Variants in AFF2 observed in about 807,000 individuals in gnomAD.
AFF2 encodes the protein ALF transcription elongation factor 2.
Under a neutral mutation model 76.9 loss-of-function variants are expected in AFF2, and 14 were observed. The ratio of observed to expected loss-of-function variants is 0.18; its 90% CI spans 0.12 to 0.28. The LOEUF is 0.28. Among genes scored for constraint, AFF2 ranks in the 10% least tolerant of loss-of-function variants. The pLI is 1.00. For missense variants in AFF2, 868 were observed against 1,001.1 expected (o/e 0.87, Z 1.79); for synonymous variants, 398 against 366.7 (o/e 1.09, Z -0.98).
At chrX:148,693,119 G>A (rs1001437704) in intron 3 of AFF2, among the ~76,000 whole-genome samples, 6 of 110,638 alleles carry the variant, frequency 5.4e-5, no homozygotes, top group Admixed American at 9.6e-5. Context: ...GGGTTTCACC[G>A]TATTAGCCAG....
intron 3 of AFF2, among the ~76,000 whole-genome samples, chrX:148,690,916 C>T (rs1391303768): frequency 1.8e-5 from 2 of 111,691 alleles, no homozygotes; most frequent in Non-Finnish European, 3.8e-5. Flanking sequence ...CACATTCTCC[C>T]CATGTCTTCA....
chrX:148,699,969 A>T (rs782285339), intron 3 of AFF2, among the ~76,000 whole-genome samples: 7 of 112,011 alleles, frequency 6.2e-5, no homozygotes, highest in Admixed American at 1.9e-4. Flanking sequence ...TATGCATTTC[A>T]CCTGAAGGTT....
At chrX:148,944,497 C>T (rs1280465878) in intron 9 of AFF2, among the ~76,000 whole-genome samples, 1 of 109,069 alleles carries the variant, frequency 9.2e-6, no homozygotes, top group Admixed American at 1.0e-4. Flanking sequence ...CTCCTTTGCT[C>T]CCATTTTTAA....
At chrX:148,589,024 C>T (rs2053496254) in intron 1 of AFF2, among the ~76,000 whole-genome samples, 1 of 109,033 alleles carries the variant, frequency 9.2e-6, no homozygotes, top group African/African-American at 3.4e-5. Context: ...GGAAAAGTGG[C>T]CTGATCATAC....
At chrX:148,616,498 T>C (rs1557250349) in intron 1 of AFF2, among the ~76,000 whole-genome samples, 1 of 111,741 alleles carries the variant, frequency 8.9e-6, no homozygotes, top group African/African-American at 3.3e-5. Context: ...ACATCTTGTG[T>C]GTAAGTTGGT....
At chrX:148,773,756 G>GAGA (rs1557268338) in intron 3 of AFF2, among the ~76,000 whole-genome samples, 1 of 109,146 alleles carries the variant, frequency 9.2e-6, no homozygotes, top group African/African-American at 3.4e-5. Context: ...GAGAAAGAAA[G>GAGA]AAGGAAAGAA....
At chrX:148,942,529 A>T (rs1000057387) in intron 9 of AFF2, among the ~76,000 whole-genome samples, 25 of 111,407 alleles carry the variant, frequency 2.2e-4, no homozygotes, top group African/African-American at 7.9e-4. Flanking sequence ...AGAACATTGG[A>T]TTTGCGGCCA....
rs375161046 is a variant in AFF2, at chrX:148,997,635, C to G, written c.*6303C>G. ...ACGATAGCAGGGACTGGGGGTCTAT[C>G]CTTTCATGGTATTGCTACAATATTT... On this transcript the variant is annotated 3_prime_UTR_variant, in exon 21 of 21. Transcript: ENST00000370460. 1.8e-5 allele frequency: 2 copies of G among 111,910 alleles called. No individual in the cohort carries two copies. The allele number at this position is 111,910 out of a possible 1,213,427, so 9.2% of individuals were successfully genotyped here.
intron 8 of AFF2, among the ~76,000 whole-genome samples, chrX:148,892,548 G>A (rs1026202947): frequency 1.8e-5 from 2 of 111,311 alleles, no homozygotes; most frequent in African/African-American, 3.3e-5. Context: ...AGCCACCGAA[G>A]ACCCAAACAT....
At chrX:148,526,142 T>A (rs1417044727) in intron 1 of AFF2, among the ~76,000 whole-genome samples, 2 of 111,845 alleles carry the variant, frequency 1.8e-5, no homozygotes, top group Non-Finnish European at 3.8e-5. Flanking sequence ...CACTCCACTA[T>A]AAGAAATAAC....
intron 1 of AFF2, among the ~76,000 whole-genome samples, chrX:148,649,703 T>G (rs984239908): frequency 1.6e-4 from 18 of 112,371 alleles, no homozygotes; most frequent in African/African-American, 5.5e-4. Context: ...GTGCCCTTAC[T>G]GCTGATCGTT....
intron 7 of AFF2, among the ~76,000 whole-genome samples, chrX:148,849,588 A>C (rs2070710227): frequency 9.0e-6 from 1 of 110,992 alleles, no homozygotes; most frequent in Non-Finnish European, 1.9e-5. Context: ...TAGTGAAGAT[A>C]AGACTAGCAC....
At chrX:148,562,741 T>G (rs1557240887) in intron 1 of AFF2, among the ~76,000 whole-genome samples, 1 of 111,535 alleles carries the variant, frequency 9.0e-6, no homozygotes, top group East Asian at 2.8e-4. Context: ...CTTCCTCTCT[T>G]TATTCCTTCC....
At chrX:148,667,558 C>T (rs2054372341) in intron 3 of AFF2, among the ~76,000 whole-genome samples, 1 of 111,768 alleles carries the variant, frequency 8.9e-6, no homozygotes, top group Admixed American at 9.5e-5. Context: ...CTTACAGTTC[C>T]ACGTGGCTGG....
intron 3 of AFF2, among the ~76,000 whole-genome samples, chrX:148,775,185 C>T (rs2069652235): frequency 9.0e-6 from 1 of 111,469 alleles, no homozygotes; most frequent in African/African-American, 3.3e-5. Flanking sequence ...TGGTTTATAA[C>T]TTTTTACCTA....
At chrX:148,937,052 A>C (rs994832553) in intron 9 of AFF2, among the ~76,000 whole-genome samples, 1 of 111,828 alleles carries the variant, frequency 8.9e-6, no homozygotes, top group Admixed American at 9.5e-5. Context: ...TGGTAGTCCT[A>C]TGGGTCCTAT....
intron 1 of AFF2, among the ~76,000 whole-genome samples, chrX:148,617,192 A>G (rs2053817914): frequency 9.0e-6 from 1 of 111,609 alleles, no homozygotes; most frequent in Non-Finnish European, 1.9e-5. Context: ...TCCCACCAAC[A>G]GTGTAAAAGT....
At chrX:148,688,768 C>CAT (rs200931994) in intron 3 of AFF2, among the ~76,000 whole-genome samples, 7,608 of 111,330 alleles carry the variant, frequency 0.068, 661 homozygotes, top group African/African-American at 0.24. Flanking sequence ...GGTTGTATGG[C>CAT]ATCCTATTGC....
At chrX:148,968,051 G>T (rs782701052) in intron 15 of AFF2, among the ~76,000 whole-genome samples, 1 of 111,445 alleles carries the variant, frequency 9.0e-6, no homozygotes, top group African/African-American at 3.3e-5. Flanking sequence ...AACTCGTGTG[G>T]GAATGTGAGA....
Sources: allele counts gnomAD v4.1 joint callset (sites outside exome capture counted in the v4.1 genomes callset), GRCh38; gene constraint gnomAD v4.1.1; transcripts MANE v1.5; gene names NCBI Gene and HGNC (gene_info 2026-07-23, HGNC 2026-07-21).